The following NUP188 variants were observed in gnomAD, a reference collection of about 807,000 sequenced individuals.
NUP188 encodes the protein nucleoporin 188.
In NUP188, 97 loss-of-function variants were observed where a neutral mutation model predicts 223.0. The ratio of observed to expected loss-of-function variants is 0.43; its 90% CI spans 0.37 to 0.51. The LOEUF is 0.51. Among genes scored for constraint, NUP188 ranks in the 20% least tolerant of loss-of-function variants. The probability of loss-of-function intolerance (pLI) is 0.00; values close to 1 mark genes in which losing one functional copy is unlikely to be tolerated. For synonymous variants in NUP188, 869 were observed against 828.0 expected (o/e 1.05, Z -0.85); for missense variants, 1,947 against 2,175.6 (o/e 0.89, Z 2.09).
intron 8 of NUP188, among the ~76,000 whole-genome samples, chr9:128,959,527 C>CTTTTTTTTTTTTTTTTT (rs1303364478): frequency 4.8e-5 from 6 of 123,892 alleles, no homozygotes; most frequent in African/African-American, 1.9e-4. Context: ...TACAGATTAT[C>CTTTTTTTTTTTTTTTTT]TTTTTTTTTT....
chr9:128,977,117 ATT>A (rs745918158), intron 12 of NUP188, among the ~76,000 whole-genome samples: 183 of 124,958 alleles, frequency 1.5e-3, no homozygotes, highest in South Asian at 2.7e-3. Context: ...TGGTACTTGG[ATT>A]TTTTTTTTTT....
In NUP188 at chr9:128,982,629, G is replaced by A; in HGVS notation, c.1597G>A (p.Glu533Lys). 1.9e-6 allele frequency: 3 copies of A among 1,614,136 alleles called. No individual in the cohort carries two copies. Among genetic ancestry groups the A allele is most frequent in the Non-Finnish European group, 2.5e-6 (3 of 1,180,016 alleles). The part of the protein sequence containing the change: ...LDDRAYLVRW[E>K]YSYSSWTLFT... ...TGATAGGGCATACCTGGTACGCTGG[G>A]AATACTCCTATAGCAGCTGGACCCT... Residue 533 changes from glutamate (E) to lysine (K), a missense_variant, in exon 16 of 44, where the codon GAA becomes AAA. Physicochemically the swap from Glu to Lys is moderately conservative, Grantham distance 56 (BLOSUM62 1). Transcript: ENST00000372577.
At chr9:128,978,014 A>G (rs984288706) in intron 12 of NUP188, among the ~76,000 whole-genome samples, 6 of 152,120 alleles carry the variant, frequency 3.9e-5, no homozygotes, top group Non-Finnish European at 8.8e-5. Context: ...AGAGAGATGA[A>G]TTTGTCTAAC....
chr9:129,000,997 G>A (rs575398456), intron 34 of NUP188, among the ~76,000 whole-genome samples: 7 of 152,106 alleles, frequency 4.6e-5, no homozygotes, highest in African/African-American at 1.4e-4. Flanking sequence ...AGATCGCGCC[G>A]CTGCACTCCA....
At chr9:128,985,906 G>A (rs1842325972) in intron 20 of NUP188, among the ~76,000 whole-genome samples, 1 of 152,038 alleles carries the variant, frequency 6.6e-6, no homozygotes. Flanking sequence ...GGGCGTGGTG[G>A]TGGACGCCTG....
intron 11 of NUP188, among the ~76,000 whole-genome samples, chr9:128,971,879 C>G (rs1842110266): frequency 6.6e-6 from 1 of 152,266 alleles, no homozygotes; most frequent in East Asian, 1.9e-4. Flanking sequence ...TCAAGTGATT[C>G]TCGTGCCTCA....
chr9:129,006,322 A>T lies in NUP188; in HGVS notation c.5027A>T (p.His1676Leu). The T allele has an allele frequency of 6.2e-7, 1 of 1,613,992 alleles. No individual in the cohort carries two copies. The highest frequency in any genetic ancestry group is 8.5e-7 in the Non-Finnish European group (1 of 1,179,978). ...CGGTACCTTAGGGACCCGGCTGTGC[A>T]CCCCCGGGACAAACAGCGGATGAAG... ...AMRYLRDPAV[H>L]PRDKQRMKQE... The change falls in exon 43 of 44, where the codon CAC becomes CTC. Residue 1676 changes from histidine to leucine, a missense_variant. Physicochemically the swap from His to Leu is moderately conservative, Grantham distance 99. This residue lies in a region of NUP188 where 905 missense variants were observed against 990.6 expected (regional missense o/e 0.91). Coordinates refer to ENST00000372577, the MANE Select transcript of NUP188 (RefSeq NM_015354.3).
chr9:128,961,899 C>A (rs1313242467), intron 8 of NUP188, among the ~76,000 whole-genome samples: 1 of 147,040 alleles, frequency 6.8e-6, no homozygotes, highest in Non-Finnish European at 1.5e-5. Flanking sequence ...GGATTACAGG[C>A]GTGAGCCAGC....
intron 19 of NUP188, 81 bp from the exon 20 acceptor site, chr9:128,984,819 A>G (rs992029042): frequency 2.3e-5 from 21 of 894,946 alleles, no homozygotes; most frequent in Non-Finnish European, 3.7e-5. Flanking sequence ...CATCTAGACT[A>G]TAACAAGAAT....
intron 30 of NUP188, among the ~76,000 whole-genome samples, chr9:128,996,015 G>T (rs1433202241): frequency 1.3e-5 from 2 of 152,178 alleles, no homozygotes; most frequent in African/African-American, 2.4e-5. Flanking sequence ...TCTGTCTACT[G>T]GGAGTTGGTT....
At chr9:128,969,845 G>T (rs1245399215) in intron 10 of NUP188, among the ~76,000 whole-genome samples, 2 of 151,984 alleles carry the variant, frequency 1.3e-5, no homozygotes, top group African/African-American at 4.8e-5. Context: ...TTTTGGCCAA[G>T]AGGTCTCAAT....
At chr9:128,956,581 A>C (rs956746439) in intron 4 of NUP188, 147 bp downstream of exon 4, 10 of 557,772 alleles carry the variant, frequency 1.8e-5, no homozygotes, top group Non-Finnish European at 2.5e-5. Flanking sequence ...CTTCTCCCTA[A>C]AAGTTACAAG....
Position 128,961,273 on chromosome 9 carries a change from T to G in NUP188, c.585+2139T>G, listed in dbSNP as rs182834954. Reference sequence around the variant, plus strand: ...TGAATCCAGGAGGCAGAGGTTGCAGTGAGCCGAGATTGCACCACTGCACTC... The same window carrying G: ...TGAATCCAGGAGGCAGAGGTTGCAGGGAGCCGAGATTGCACCACTGCACTC... On this transcript the variant is annotated intron_variant, in intron 8 of 43. Coordinates refer to ENST00000372577, the MANE Select transcript of NUP188 (RefSeq NM_015354.3). Among the ~76,000 whole-genome samples the G allele has an allele frequency of 5.3e-4, 81 of 151,454 alleles. 1 individual carries two copies. The East Asian group carries it at 0.011, about 21-fold the overall frequency.
chr9:128,983,018 C>T lies in NUP188; in HGVS notation c.1786C>T (p.Leu596=). Residue 596 remains leucine, a synonymous_variant, in exon 17 of 44, where the codon CTG becomes TTG. Transcript: ENST00000372577. ...LLPITSRIYM[L]LQRLTTVISP... ...GCCCATCACATCTCGCATCTACATG[C>T]TGCTGCAGCGGTGAGTCTGTCTTGG... is the stretch of plus-strand genomic sequence containing the variant. 1.9e-6 allele frequency: 3 copies of T among 1,614,064 alleles called. No individual in the cohort carries two copies. Among genetic ancestry groups the T allele is most frequent in the East Asian group, 2.2e-5 (1 of 44,886 alleles).
intron 24 of NUP188, among the ~76,000 whole-genome samples, chr9:128,989,523 AC>A (rs1331367294): frequency 2.6e-5 from 4 of 152,152 alleles, no homozygotes; most frequent in African/African-American, 9.7e-5. Flanking sequence ...ACACAGTGAA[AC>A]CCCATCTCTA....
chr9:128,988,394 A>G lies in NUP188; in HGVS notation c.2533+208A>G, dbSNP rs149934477. Among the ~76,000 whole-genome samples, 408 of 152,322 alleles carry G rather than the reference A, an allele frequency of 2.7e-3. 7 individuals are homozygous for G. The East Asian group carries it at 0.042, about 16-fold the overall frequency. ...TATTTCTGCCTCCTATTGATGATAGAATAATAGTTAAGAATGCAGATTTGA... is the reference window on the plus strand; with the variant it reads ...TATTTCTGCCTCCTATTGATGATAGGATAATAGTTAAGAATGCAGATTTGA... On this transcript the variant is annotated intron_variant, in intron 24 of 43. Coordinates refer to ENST00000372577, the MANE Select transcript of NUP188 (RefSeq NM_015354.3).
At position 128,993,767 on chromosome 9, in the gene NUP188, A is replaced by G. The variant is rs146336415; in HGVS notation, c.3017+73A>G. 2,017 of 1,403,244 alleles carry G rather than the reference A, an allele frequency of 1.4e-3. 22 individuals carry two copies. The African/African-American group carries it at 0.022, about 15-fold the overall frequency. The allele number at this position is 1,403,244 out of a possible 1,614,324, so 86.9% of individuals were successfully genotyped here. ...GGAGTAATAATAGCTCTTATCCCAG[A>G]GGTTTGTTGTGACAGTTCACTGGGA... On this transcript the variant is annotated intron_variant, in intron 27 of 43. Transcript: ENST00000372577.
In NUP188 at chr9:129,005,539, C is replaced by T. The variant is rs770832554; in HGVS notation, c.4737+9C>T. Reference sequence around the variant, plus strand: ...AGATTCTGCTGGATCAGGTACTGCCCATCATCTGTTCAGCACCACCTCCCC... The same window carrying T: ...AGATTCTGCTGGATCAGGTACTGCCTATCATCTGTTCAGCACCACCTCCCC... On this transcript the variant is annotated intron_variant, in intron 40 of 43. Transcript: ENST00000372577. 4.4e-6 allele frequency: 7 copies of T among 1,608,850 alleles called. No homozygotes were observed. In the East Asian group the frequency reaches 1.6e-4, roughly 36 times the overall value.
At chr9:128,979,232 T>C in intron 12 of NUP188, 30 bp from the exon 13 acceptor site, 5 of 1,532,470 alleles carry the variant, frequency 3.3e-6, no homozygotes, top group Non-Finnish European at 4.5e-6. Context: ...CTAGGGAAAA[T>C]GATCCATTTT....
Sources: gnomAD v4.1 joint callset for allele counts (sites outside exome capture counted in the v4.1 genomes callset) on GRCh38, gnomAD v4.1.1 for gene constraint, gnomAD v4.1.1 regional missense constraint, MANE v1.5 for transcripts, NCBI Gene and HGNC (gene_info 2026-07-23, HGNC 2026-07-21) for gene names.